The following TSPAN5 variants were observed in gnomAD, a reference collection of about 807,000 sequenced individuals.
The protein encoded by TSPAN5 is tetraspanin 5, also known as tetraspanin-5.
TSPAN5 carries 10 observed loss-of-function variants against 37.1 expected under a neutral mutation model. The ratio of observed to expected loss-of-function variants is 0.27; its 90% CI spans 0.17 to 0.46. The LOEUF (loss-of-function observed/expected upper bound fraction) is 0.46. Among genes scored for constraint, TSPAN5 ranks in the 20% least tolerant of loss-of-function variants. TSPAN5 has a pLI of 1.00. For missense variants in TSPAN5, 195 were observed against 326.6 expected, an observed-to-expected ratio of 0.60 and a Z score of 3.11; for synonymous variants, 110 against 118.9, an observed-to-expected ratio of 0.93 and a Z score of 0.48.
At chr4:98,552,129 TTTTG>T (rs1250762633) in intron 1 of TSPAN5, among the ~76,000 whole-genome samples, 4 of 151,324 alleles carry the variant, frequency 2.6e-5, no homozygotes, top group Middle Eastern at 3.4e-3. Context: ...GGTTTATCAA[TTTTG>T]TTTATCTTTT....
chr4:98,611,969 A>G (rs1292080375), intron 1 of TSPAN5, among the ~76,000 whole-genome samples: 1 of 152,162 alleles, frequency 6.6e-6, no homozygotes, highest in East Asian at 1.9e-4. Flanking sequence ...GAACCACCAC[A>G]CAACTGCATG....
At chr4:98,548,007 G>C (rs796579141) in intron 1 of TSPAN5, among the ~76,000 whole-genome samples, 57 of 72,192 alleles carry the variant, frequency 7.9e-4, no homozygotes, top group African/African-American at 4.1e-3. Context: ...GCGAGACTCT[G>C]TCTCAAAAAA....
At chr4:98,625,118 A>G (rs1277955779) in intron 1 of TSPAN5, among the ~76,000 whole-genome samples, 2 of 152,212 alleles carry the variant, frequency 1.3e-5, no homozygotes, top group Non-Finnish European at 2.9e-5. Context: ...TACACCAGAC[A>G]ATTCTGTAAG....
intron 1 of TSPAN5, among the ~76,000 whole-genome samples, chr4:98,599,153 T>C (rs1218927861): frequency 1.1e-4 from 16 of 152,106 alleles, no homozygotes; most frequent in Non-Finnish European, 1.5e-5. Flanking sequence ...TTTATTTTTG[T>C]TTTTAGAGAC....
chr4:98,489,545 T>C (rs1753041789), intron 2 of TSPAN5, among the ~76,000 whole-genome samples: 1 of 152,166 alleles, frequency 6.6e-6, no homozygotes, highest in African/African-American at 2.4e-5. Flanking sequence ...CTGGTCTGTG[T>C]TTGTTCTGGT....
intron 1 of TSPAN5, among the ~76,000 whole-genome samples, chr4:98,575,363 CTTT>C (rs556634724): frequency 3.7e-5 from 5 of 136,910 alleles, no homozygotes; most frequent in Admixed American, 7.4e-5. Flanking sequence ...CTGGCGGGCT[CTTT>C]TTTTTTTTTT....
chr4:98,514,889 A>G (rs941136641), intron 1 of TSPAN5, among the ~76,000 whole-genome samples: 2 of 152,174 alleles, frequency 1.3e-5, no homozygotes, highest in African/African-American at 2.4e-5. Flanking sequence ...ATAAAGAAAC[A>G]TAAGTGAGTA....
At chr4:98,485,762 C>CTTTTTTTT (rs766494512) in intron 3 of TSPAN5, among the ~76,000 whole-genome samples, 2 of 86,602 alleles carry the variant, frequency 2.3e-5, no homozygotes, top group African/African-American at 9.0e-5. Context: ...CTTGGATATG[C>CTTTTTTTT]TTTTTTTTTT....
chr4:98,482,316 T>A (rs960225358), intron 3 of TSPAN5, 141 bp from the exon 4 acceptor site: 2 of 690,926 alleles, frequency 2.9e-6, no homozygotes, highest in Non-Finnish European at 4.6e-6. Context: ...CAGTTTCTGC[T>A]GATTCATTAA....
chr4:98,483,168 T>G (rs1303762899), intron 3 of TSPAN5: 2 of 152,266 alleles, frequency 1.3e-5, no homozygotes. Context: ...CGGGTAAATT[T>G]CTGGTGACAA....
chr4:98,544,553 A>G (rs1378840017), intron 1 of TSPAN5, among the ~76,000 whole-genome samples: 1 of 152,230 alleles, frequency 6.6e-6, no homozygotes, highest in Admixed American at 6.5e-5. Flanking sequence ...TGGGCTGGCT[A>G]GAGCACAAAA....
At chr4:98,519,006 C>A (rs1344892967) in intron 1 of TSPAN5, among the ~76,000 whole-genome samples, 5 of 152,210 alleles carry the variant, frequency 3.3e-5, no homozygotes, top group Non-Finnish European at 7.3e-5. Context: ...ATCTTTCCAG[C>A]ACAGTACAAA....
chr4:98,608,074 A>G (rs1415739965), intron 1 of TSPAN5, among the ~76,000 whole-genome samples: 1 of 152,214 alleles, frequency 6.6e-6, no homozygotes, highest in Non-Finnish European at 1.5e-5. Context: ...TTTCTCAAAA[A>G]ATAAGTTTAA....
At chr4:98,477,104 G>C (rs1208159545) in intron 5 of TSPAN5, among the ~76,000 whole-genome samples, 1 of 152,198 alleles carries the variant, frequency 6.6e-6, no homozygotes, top group Non-Finnish European at 1.5e-5. Flanking sequence ...AGGTGAAAGG[G>C]GAAGCATTAA....
At chr4:98,589,090 G>A (rs1330690673) in intron 1 of TSPAN5, among the ~76,000 whole-genome samples, 1 of 152,066 alleles carries the variant, frequency 6.6e-6, no homozygotes, top group Non-Finnish European at 1.5e-5. Context: ...CTAATCCAGG[G>A]CTCCTGCTTC....
At position 98,511,920 on chromosome 4, in the gene TSPAN5, T is replaced by C. The variant is rs570772328; in HGVS notation, c.82-4192A>G. The stretch of plus-strand genomic sequence containing the variant: ...ATTTTATAGATAAGGAAACTGAGGC[T>C]TAGAAATTTTAAGGCCAGGTGCAGG... On this transcript the variant is annotated intron_variant, in intron 1 of 7. Coordinates refer to ENST00000305798, the MANE Select transcript of TSPAN5 (RefSeq NM_005723.4). Among the ~76,000 whole-genome samples the C allele has an allele frequency of 8.0e-5, 12 of 150,840 alleles. No individual in the cohort carries two copies. The South Asian group carries it at 2.5e-3, about 32-fold the overall frequency.
At chr4:98,552,686 A>C (rs1361622368) in intron 1 of TSPAN5, among the ~76,000 whole-genome samples, 1 of 152,194 alleles carries the variant, frequency 6.6e-6, no homozygotes, top group Non-Finnish European at 1.5e-5. Context: ...TTTCAAAGAG[A>C]GACTCATTTA....
At chr4:98,626,886 GTTT>G (rs34770397) in intron 1 of TSPAN5, among the ~76,000 whole-genome samples, 1 of 83,484 alleles carries the variant, frequency 1.2e-5, no homozygotes, top group African/African-American at 5.0e-5. Context: ...ATGAGAGCAG[GTTT>G]TTTTTTTTTT....
At chr4:98,499,543 G>A (rs972493607) in intron 2 of TSPAN5, among the ~76,000 whole-genome samples, 3 of 151,870 alleles carry the variant, frequency 2.0e-5, no homozygotes, top group Non-Finnish European at 4.4e-5. Flanking sequence ...AATACATAGA[G>A]AAACATTAAA....
Sources: gnomAD v4.1 joint callset for allele counts (sites outside exome capture counted in the v4.1 genomes callset) on GRCh38, gnomAD v4.1.1 for gene constraint, MANE v1.5 for transcripts, NCBI Gene and HGNC (gene_info 2026-07-23, HGNC 2026-07-21) for gene names.